MPP1: variants seen among roughly 807,000 people sequenced by gnomAD.
MPP1 encodes the protein MAGUK p55 scaffold protein 1, also known as 55 kDa erythrocyte membrane protein.
A neutral mutation model predicts 38.2 loss-of-function variants in MPP1; 6 were observed. The ratio of observed to expected loss-of-function variants is 0.16; its 90% CI spans 0.09 to 0.31. The LOEUF is 0.31. Among genes scored for constraint, MPP1 ranks in the 10% least tolerant of loss-of-function variants. MPP1 has a pLI of 1.00. For missense variants in MPP1, 293 were observed against 368.9 expected (o/e 0.79, Z 1.69); for synonymous variants, 153 against 146.3 (o/e 1.05, Z -0.33).
At chrX:154,789,926 T>A in intron 5 of MPP1, 28 bp downstream of exon 5, 8 of 1,125,927 alleles carry the variant, frequency 7.1e-6, no homozygotes, top group Non-Finnish European at 9.7e-6. Flanking sequence ...CCTGCCATCA[T>A]GACAACAGAG....
At position 154,804,535 on chromosome X, in the gene MPP1, C is replaced by T. The variant is rs369731573; in HGVS notation, c.102+737G>A. On this transcript the variant is annotated intron_variant, in intron 1 of 11. Transcript: ENST00000369534. ...TGATTTTCTGGCTCATGGCTCATGG[C>T]TCCAAATGAGTAAGTGAGCCGTGTC... Among the ~76,000 whole-genome samples the T allele has an allele frequency of 2.8e-4, 31 of 111,435 alleles. No homozygotes were observed. The East Asian group carries it at 7.9e-3, about 28-fold the overall frequency.
chrX:154,783,967 G>T, intron 8 of MPP1, 61 bp downstream of exon 8: 1 of 1,050,876 alleles, frequency 9.5e-7, no homozygotes, highest in Non-Finnish European at 1.3e-6. Context: ...TTGGGGGTGG[G>T]CACGTGATGC....
chrX:154,804,398 G>A (rs2072297285), intron 1 of MPP1, among the ~76,000 whole-genome samples: 1 of 111,827 alleles, frequency 8.9e-6, no homozygotes, highest in African/African-American at 3.3e-5. Flanking sequence ...GGAGGTTCAT[G>A]CTGTGACTTC....
At chrX:154,805,228 C>T in intron 1 of MPP1, 44 bp downstream of exon 1, 1 of 1,135,496 alleles carries the variant, frequency 8.8e-7, no homozygotes, top group Non-Finnish European at 1.2e-6. Context: ...GATGAATGGC[C>T]GAGCCCCGGC....
intron 1 of MPP1, among the ~76,000 whole-genome samples, chrX:154,792,986 G>A (rs782187570): frequency 9.0e-6 from 1 of 111,697 alleles, no homozygotes; most frequent in Non-Finnish European, 1.9e-5. Flanking sequence ...AGTAATTTAA[G>A]GCACTGTGGT....
intron 6 of MPP1, among the ~76,000 whole-genome samples, chrX:154,785,579 G>A (rs1172195760): frequency 3.6e-5 from 4 of 112,059 alleles, no homozygotes; most frequent in Non-Finnish European, 7.5e-5. Context: ...ACAATAACTT[G>A]TATTACTACA....
At chrX:154,788,726 G>A (rs2072108089) in intron 5 of MPP1, among the ~76,000 whole-genome samples, 2 of 111,952 alleles carry the variant, frequency 1.8e-5, no homozygotes, top group Non-Finnish European at 3.8e-5. Flanking sequence ...TTCTGTTAAC[G>A]TGGTGAATTT....
At chrX:154,791,202 G>T in intron 3 of MPP1, 134 bp from the exon 4 acceptor site, 5 of 554,952 alleles carry the variant, frequency 9.0e-6, no homozygotes, top group Non-Finnish European at 1.2e-5. Flanking sequence ...AAATACTCAG[G>T]ATTGAAAACA....
At position 154,781,896 on chromosome X, in the gene MPP1, C is replaced by G. The variant is rs1207513843; in HGVS notation, c.947-94G>C. Reference sequence around the variant, plus strand: ...GTGTCTGTATGGAAACCCTAGCTGCCTTTGGTGCATTGACTTTAATACAGG... The same window carrying G: ...GTGTCTGTATGGAAACCCTAGCTGCGTTTGGTGCATTGACTTTAATACAGG... On this transcript the variant is annotated intron_variant, in intron 9 of 11. Transcript: ENST00000369534. The G allele has an allele frequency of 3.4e-6, 3 of 885,866 alleles. No individual in the cohort carries two copies. In the African/African-American group the frequency reaches 5.9e-5, roughly 17 times the overall value. The allele number at this position is 885,866 out of a possible 1,213,427, so 73.0% of individuals were successfully genotyped here.
chrX:154,787,101 AACAC>A (rs59779466), intron 5 of MPP1, among the ~76,000 whole-genome samples: 1,696 of 82,832 alleles, frequency 0.02, 27 homozygotes, highest in African/African-American at 0.033. Context: ...CCTGCTCCCA[AACAC>A]ACACACACAC....
intron 1 of MPP1, among the ~76,000 whole-genome samples, chrX:154,795,324 C>A (rs2072183466): frequency 9.0e-6 from 1 of 111,312 alleles, no homozygotes; most frequent in Non-Finnish European, 1.9e-5. Flanking sequence ...TTATGATACC[C>A]GGGATACACC....
intron 1 of MPP1, among the ~76,000 whole-genome samples, chrX:154,802,542 A>C (rs2072278723): frequency 9.0e-6 from 1 of 111,650 alleles, no homozygotes; most frequent in African/African-American, 3.3e-5. Flanking sequence ...GTGTTGCTTC[A>C]AACAGGCCCG....
At position 154,805,101 on chromosome X, in the gene MPP1, C is replaced by A. The variant is rs2072305877; in HGVS notation, c.102+171G>T. ...CACTGCACCAGCAGCCCGGTACGAA[C>A]CCGGCCGCGCGCTGGCCTTGTCCTC... On this transcript the variant is annotated intron_variant, in intron 1 of 11. Transcript: ENST00000369534. Among the ~76,000 whole-genome samples the A allele has an allele frequency of 2.7e-5, 3 of 113,196 alleles. No homozygotes were observed. In the South Asian group the frequency reaches 1.1e-3, roughly 40 times the overall value.
chrX:154,798,772 T>C (rs2072227960), intron 1 of MPP1, among the ~76,000 whole-genome samples: 1 of 111,712 alleles, frequency 9.0e-6, no homozygotes, highest in African/African-American at 3.3e-5. Context: ...TTCACTCTTA[T>C]TGCCCAGGCT....
At chrX:154,787,468 A>G (rs2072092165) in intron 5 of MPP1, among the ~76,000 whole-genome samples, 2 of 112,182 alleles carry the variant, frequency 1.8e-5, no homozygotes, top group Admixed American at 9.5e-5. Flanking sequence ...GAAAAAGATC[A>G]TATGATCCCC....
intron 9 of MPP1, chrX:154,782,448 C>A (rs1429206984): frequency 3.6e-5 from 4 of 111,779 alleles, no homozygotes; most frequent in African/African-American, 1.3e-4. Flanking sequence ...GAAGGAGGAG[C>A]CTGTACTGGT....
intron 5 of MPP1, among the ~76,000 whole-genome samples, chrX:154,789,217 CA>C (rs2072113930): frequency 8.9e-6 from 1 of 112,143 alleles, no homozygotes; most frequent in Non-Finnish European, 1.9e-5. Context: ...ATAGAAACTT[CA>C]GATTTATTCT....
In MPP1 at chrX:154,799,597, C is replaced by T. The variant is rs1216655970; in HGVS notation, c.102+5675G>A. On this transcript the variant is annotated intron_variant, in intron 1 of 11. Transcript: ENST00000369534. ...CAGTTCACAACCTCCACATCATCCTCTCAAAGCAGCCACCATCATCTGTAG... is the reference window on the plus strand; with the variant it reads ...CAGTTCACAACCTCCACATCATCCTTTCAAAGCAGCCACCATCATCTGTAG... 6 of 557,002 alleles carry T rather than the reference C, an allele frequency of 1.1e-5. No homozygotes were observed. In the African/African-American group the frequency reaches 1.2e-4, roughly 11 times the overall value. 45.9% of individuals were successfully genotyped at this position (557,002 alleles called of 1,213,427 possible).
intron 8 of MPP1, 119 bp from the exon 9 acceptor site, chrX:154,783,626 C>T (rs2072035310): frequency 1.7e-6 from 1 of 589,381 alleles, no homozygotes; most frequent in Non-Finnish European, 2.7e-6. Flanking sequence ...GGGGTTGCAT[C>T]TGGGCTGGGG....
Sources: gnomAD v4.1 joint callset for allele counts (sites outside exome capture counted in the v4.1 genomes callset) on GRCh38, gnomAD v4.1.1 for gene constraint, MANE v1.5 for transcripts, NCBI Gene and HGNC (gene_info 2026-07-23, HGNC 2026-07-21) for gene names.